Variants in MEGF9 observed in about 807,000 individuals in gnomAD.
MEGF9 encodes the protein multiple EGF like domains 9, also known as multiple epidermal growth factor-like domains protein 9.
In MEGF9, 6 loss-of-function variants were observed where a neutral mutation model predicts 46.8. That is an observed-to-expected ratio of 0.13 (90% CI 0.07 to 0.25). The LOEUF (loss-of-function observed/expected upper bound fraction) is 0.25, where lower values mean the gene tolerates loss of function less well. Ranked by LOEUF, MEGF9 falls within the 10% of genes least tolerant of loss-of-function variation. MEGF9 has a pLI of 1.00. For missense variants in MEGF9, 683 were observed against 792.4 expected, an observed-to-expected ratio of 0.86 and a Z score of 1.66; for synonymous variants, 302 against 330.7, an observed-to-expected ratio of 0.91 and a Z score of 0.94.
chr9:120,651,958 T>C (rs755174697), intron 2 of MEGF9, among the ~76,000 whole-genome samples: 3 of 151,488 alleles, frequency 2.0e-5, no homozygotes, highest in African/African-American at 7.3e-5. Flanking sequence ...GCCTGTATAA[T>C]AGGTTTTTAA....
At chr9:120,660,350 A>G (rs978417235) in intron 1 of MEGF9, among the ~76,000 whole-genome samples, 1 of 152,190 alleles carries the variant, frequency 6.6e-6, no homozygotes, top group Admixed American at 6.5e-5. Flanking sequence ...TAATCATATC[A>G]GGATAAACGG....
chr9:120,671,459 A>G (rs1453457835), intron 1 of MEGF9, among the ~76,000 whole-genome samples: 1 of 152,172 alleles, frequency 6.6e-6, no homozygotes, highest in African/African-American at 2.4e-5. Context: ...TGAAGAATGA[A>G]GGAGAAGACA....
chr9:120,616,677 C>CAA (rs60170268), intron 3 of MEGF9, among the ~76,000 whole-genome samples: 28 of 94,312 alleles, frequency 3.0e-4, no homozygotes, highest in Non-Finnish European at 3.7e-4. Flanking sequence ...GACTCTGTCT[C>CAA]AAAAAAAAAA....
In MEGF9 at chr9:120,612,548, A is replaced by G. The variant is rs1270199277; in HGVS notation, c.944-9T>C. Reference sequence around the variant, plus strand: ...GCAGTTTAAACAAGCACCTAAAAGAAGCAAATTATTTTTAAAAGTTAAAGA... The same window carrying G: ...GCAGTTTAAACAAGCACCTAAAAGAGGCAAATTATTTTTAAAAGTTAAAGA... On this transcript the variant is annotated splice_polypyrimidine_tract_variant and intron_variant, in intron 3 of 5. Coordinates refer to ENST00000373930, the MANE Select transcript of MEGF9 (RefSeq NM_001080497.3). 1 of 1,593,788 alleles carries G rather than the reference A, an allele frequency of 6.3e-7. No individual in the cohort carries two copies. The highest frequency in any genetic ancestry group is 8.5e-7 in the Non-Finnish European group (1 of 1,172,496).
intron 2 of MEGF9, among the ~76,000 whole-genome samples, chr9:120,651,221 T>G (rs1284757624): frequency 6.6e-6 from 1 of 152,244 alleles, no homozygotes; most frequent in Non-Finnish European, 1.5e-5. Context: ...TAACATGAGC[T>G]ACATCACACC....
At chr9:120,631,375 A>C (rs1000365776) in intron 2 of MEGF9, among the ~76,000 whole-genome samples, 2 of 152,138 alleles carry the variant, frequency 1.3e-5, no homozygotes, top group African/African-American at 4.8e-5. Flanking sequence ...TTTGGTTACT[A>C]AAGTTTTGTA....
intron 2 of MEGF9, among the ~76,000 whole-genome samples, chr9:120,631,911 ACCTTCT>A (rs752418750): frequency 8.0e-5 from 12 of 150,894 alleles, no homozygotes; most frequent in East Asian, 2.0e-4. Flanking sequence ...CTCCTTCCTC[ACCTTCT>A]CCTTCTCCTT....
Position 120,696,311 on chromosome 9 carries a change from A to G in MEGF9, c.601+17447T>C, listed in dbSNP as rs2043876798. Reference sequence around the variant, plus strand: ...TAGAGGGAACAGCACATGCAAAATAAGGAGAATCTAGTTAACTTAGTGATT... The same window carrying G: ...TAGAGGGAACAGCACATGCAAAATAGGGAGAATCTAGTTAACTTAGTGATT... On this transcript the variant is annotated intron_variant, in intron 1 of 5. Coordinates refer to ENST00000373930, the MANE Select transcript of MEGF9 (RefSeq NM_001080497.3). Among the ~76,000 whole-genome samples, 3 of 152,340 alleles carry G rather than the reference A, an allele frequency of 2.0e-5. 1 individual carries two copies. In the South Asian group the frequency reaches 6.2e-4, roughly 32 times the overall value.
At chr9:120,655,881 A>T in intron 2 of MEGF9, among the ~76,000 whole-genome samples, 1 of 152,198 alleles carries the variant, frequency 6.6e-6, no homozygotes, top group East Asian at 1.9e-4. Flanking sequence ...TGTGATTCTG[A>T]CAGTCTACCA....
chr9:120,697,485 TA>T (rs1201760874), intron 1 of MEGF9, among the ~76,000 whole-genome samples: 1 of 152,148 alleles, frequency 6.6e-6, no homozygotes, highest in Non-Finnish European at 1.5e-5. Context: ...CATATTAAGT[TA>T]AAGATGAAAG....
chr9:120,674,901 C>T lies in MEGF9; in HGVS notation c.602-15326G>A, dbSNP rs536708875. ...TTCTATTTTTTTTTTTTTTTCGAGA[C>T]GGAGTCTTGCTCTGTCACCCAGGCT... On this transcript the variant is annotated intron_variant, in intron 1 of 5. Transcript: ENST00000373930. 9.1e-5 allele frequency among the ~76,000 whole-genome samples: 13 copies of T among 143,008 alleles called. No homozygotes were observed. The South Asian group carries it at 1.6e-3, about 17-fold the overall frequency. The allele number at this position is 143,008 out of a possible 152,430, so 93.8% of individuals were successfully genotyped here. A position where few individuals can be genotyped will look rare whatever the true frequency, so the allele number is the denominator to read the frequency against.
intron 2 of MEGF9, among the ~76,000 whole-genome samples, chr9:120,641,852 G>A (rs2043604626): frequency 6.6e-6 from 1 of 152,130 alleles, no homozygotes; most frequent in African/African-American, 2.4e-5. Context: ...TAAGAAGAGG[G>A]TACTTAAGGC....
intron 1 of MEGF9, among the ~76,000 whole-genome samples, chr9:120,704,468 T>C (rs2043919574): frequency 6.6e-6 from 1 of 152,192 alleles, no homozygotes; most frequent in African/African-American, 2.4e-5. Context: ...GTATAGTGTC[T>C]AGGAAAGAAA....
intron 2 of MEGF9, among the ~76,000 whole-genome samples, chr9:120,625,588 C>G (rs996082645): frequency 6.6e-6 from 1 of 151,760 alleles, no homozygotes; most frequent in African/African-American, 2.4e-5. Flanking sequence ...GTAATCCTAG[C>G]ACTTTCGGAG....
intron 2 of MEGF9, among the ~76,000 whole-genome samples, chr9:120,634,803 T>A (rs1433259011): frequency 1.3e-5 from 2 of 152,222 alleles, no homozygotes; most frequent in South Asian, 2.1e-4. Context: ...TATCCTTATT[T>A]CCTTTGTTCT....
intron 1 of MEGF9, among the ~76,000 whole-genome samples, chr9:120,693,620 T>C (rs749760005): frequency 3.9e-5 from 6 of 152,250 alleles, no homozygotes; most frequent in Non-Finnish European, 7.3e-5. Context: ...GCAATAAATG[T>C]CTGGAATCCA....
intron 3 of MEGF9, among the ~76,000 whole-genome samples, chr9:120,621,830 G>A: frequency 6.6e-6 from 1 of 152,142 alleles, no homozygotes; most frequent in Non-Finnish European, 1.5e-5. Flanking sequence ...AGGTGAGGCG[G>A]CTTGAGGGTG....
At chr9:120,642,340 C>G (rs1337703599) in intron 2 of MEGF9, among the ~76,000 whole-genome samples, 2 of 152,208 alleles carry the variant, frequency 1.3e-5, no homozygotes. Context: ...GATGCTCACA[C>G]TGCCATATCT....
intron 1 of MEGF9, 61 bp from the exon 2 acceptor site, chr9:120,659,636 T>TA: frequency 7.8e-7 from 1 of 1,274,366 alleles, no homozygotes; most frequent in Non-Finnish European, 1.1e-6. Flanking sequence ...CTTAATAAAA[T>TA]GAACTCTATT....
Sources: gnomAD v4.1 joint callset for allele counts (sites outside exome capture counted in the v4.1 genomes callset) on GRCh38, gnomAD v4.1.1 for gene constraint, MANE v1.5 for transcripts, NCBI Gene and HGNC (gene_info 2026-07-23, HGNC 2026-07-21) for gene names.